VRK1: variants seen among roughly 807,000 people sequenced by gnomAD.
VRK1 encodes VRK serine/threonine kinase 1.
A neutral mutation model predicts 57.1 loss-of-function variants in VRK1; 33 were observed. That is an observed-to-expected ratio of 0.58 (90% CI 0.44 to 0.77). VRK1 has a LOEUF of 0.77. Ranked by LOEUF, VRK1 falls within the 30% of genes least tolerant of loss-of-function variation. The pLI is 0.00. For synonymous variants in VRK1, 137 were observed against 147.8 expected (o/e 0.93, Z 0.53); for missense variants, 413 against 477.3 (o/e 0.87, Z 1.25).
chr14:96,852,136 G>T (rs1280212892), intron 5 of VRK1, among the ~76,000 whole-genome samples: 1 of 152,206 alleles, frequency 6.6e-6, no homozygotes, highest in African/African-American at 2.4e-5. Context: ...AGTTTTGGGT[G>T]TTGAAAGTGA....
chr14:96,879,295 T>G (rs932810773), intron 12 of VRK1, among the ~76,000 whole-genome samples: 8 of 152,154 alleles, frequency 5.3e-5, no homozygotes, highest in Non-Finnish European at 2.9e-5. Context: ...TGAATTGATT[T>G]ATGCAGCAAA....
chr14:96,811,122 G>A (rs183634100), intron 1 of VRK1, among the ~76,000 whole-genome samples: 122 of 152,060 alleles, frequency 8.0e-4, no homozygotes, highest in Non-Finnish European at 1.4e-3. Context: ...GTGGAGATGG[G>A]ATCTCACCAT....
chr14:96,860,628 C>T lies in VRK1; in HGVS notation c.961C>T (p.Arg321Cys), dbSNP rs772731615. 70 of 1,613,124 alleles carry T rather than the reference C, an allele frequency of 4.3e-5. No homozygotes were observed. In the Admixed American group the frequency reaches 7.8e-4, roughly 18 times the overall value. ...TGAAAAACCTCTTTATGAAAATTTA[C>T]GTGACATTCTTTTGCAAGGACTAAA... ...YTEKPLYENLRDILLQGLKAI... is the reference protein window; with the variant it reads ...YTEKPLYENLCDILLQGLKAI... Residue 321 changes from arginine (R) to cysteine (C), a missense_variant, in exon 11 of 13, where the codon CGT becomes TGT. By Grantham distance (180) the Arg-to-Cys change is radical. Transcript: ENST00000216639.
intron 11 of VRK1, among the ~76,000 whole-genome samples, chr14:96,863,164 C>T (rs571713124): frequency 2.0e-5 from 3 of 152,298 alleles, no homozygotes; most frequent in South Asian, 4.1e-4. Flanking sequence ...TTTGGGATGA[C>T]ATAAGGCTGA....
intron 11 of VRK1, among the ~76,000 whole-genome samples, chr14:96,869,088 C>T (rs1394695550): frequency 3.3e-5 from 5 of 152,062 alleles, no homozygotes; most frequent in South Asian, 2.1e-4. Flanking sequence ...CCACCACGCC[C>T]GGCCTCGTGT....
intron 1 of VRK1, among the ~76,000 whole-genome samples, chr14:96,813,204 G>A (rs1595643739): frequency 1.3e-5 from 2 of 152,224 alleles, no homozygotes; most frequent in African/African-American, 4.8e-5. Context: ...GTGAACAAGG[G>A]TGTGTAGTCA....
At chr14:96,824,356 T>C (rs982626639) in intron 1 of VRK1, among the ~76,000 whole-genome samples, 2 of 152,224 alleles carry the variant, frequency 1.3e-5, no homozygotes, top group African/African-American at 4.8e-5. Flanking sequence ...AGGATACTAC[T>C]GTATTTTGAA....
At chr14:96,819,424 CTG>C (rs1886512838) in intron 1 of VRK1, among the ~76,000 whole-genome samples, 1 of 152,270 alleles carries the variant, frequency 6.6e-6, no homozygotes, top group African/African-American at 2.4e-5. Flanking sequence ...GTGGGTCAGT[CTG>C]TGCATCACAG....
At chr14:96,816,743 A>G (rs1886408773) in intron 1 of VRK1, among the ~76,000 whole-genome samples, 1 of 152,034 alleles carries the variant, frequency 6.6e-6, no homozygotes, top group South Asian at 2.1e-4. Context: ...AAAATTCAAA[A>G]TGGGAAATTT....
chr14:96,830,387 T>A (rs573776633), intron 1 of VRK1, among the ~76,000 whole-genome samples: 2 of 152,222 alleles, frequency 1.3e-5, no homozygotes, highest in Non-Finnish European at 2.9e-5. Context: ...ATTTTTTTGT[T>A]TTTTTCCTTT....
At chr14:96,874,981 A>C (rs1013222907) in intron 11 of VRK1, among the ~76,000 whole-genome samples, 1 of 152,210 alleles carries the variant, frequency 6.6e-6, no homozygotes, top group African/African-American at 2.4e-5. Flanking sequence ...AAATGAGGAC[A>C]TTCTGTTGCA....
At chr14:96,879,979 A>C (rs1223134907) in intron 12 of VRK1, among the ~76,000 whole-genome samples, 1 of 151,930 alleles carries the variant, frequency 6.6e-6, no homozygotes, top group African/African-American at 2.4e-5. Context: ...AAAAACCTAA[A>C]AATCTACTGT....
At chr14:96,840,906 A>T (rs1887433270) in intron 3 of VRK1, among the ~76,000 whole-genome samples, 2 of 149,240 alleles carry the variant, frequency 1.3e-5, no homozygotes, top group Admixed American at 1.3e-4. Flanking sequence ...CCTGGGCTGG[A>T]GTGCATTGGT....
chr14:96,847,000 TA>T (rs1046126933), intron 4 of VRK1, among the ~76,000 whole-genome samples: 1 of 151,842 alleles, frequency 6.6e-6, no homozygotes, highest in South Asian at 2.1e-4. Flanking sequence ...AGTTTTGATT[TA>T]AAAAAAATGC....
intron 5 of VRK1, among the ~76,000 whole-genome samples, chr14:96,852,540 C>T (rs971382452): frequency 5.3e-5 from 8 of 151,814 alleles, no homozygotes; most frequent in Non-Finnish European, 8.8e-5. Context: ...TTATTTTTAC[C>T]GTGAATAAAC....
At chr14:96,837,558 A>G (rs1887269231) in intron 2 of VRK1, among the ~76,000 whole-genome samples, 1 of 152,176 alleles carries the variant, frequency 6.6e-6, no homozygotes, top group African/African-American at 2.4e-5. Flanking sequence ...GAAACCAGAA[A>G]TTGTAAGATG....
chr14:96,851,687 A>C (rs1887956190), intron 5 of VRK1, among the ~76,000 whole-genome samples: 2 of 152,180 alleles, frequency 1.3e-5, no homozygotes. Flanking sequence ...TTTGTATCCT[A>C]CTGACATTTA....
chr14:96,875,746 A>G (rs1257509872), intron 11 of VRK1, among the ~76,000 whole-genome samples: 1 of 152,086 alleles, frequency 6.6e-6, no homozygotes, highest in Non-Finnish European at 1.5e-5. Flanking sequence ...ATAGCTTTGA[A>G]TAATGAAGTA....
At chr14:96,877,355 A>G (rs1889082035) in intron 12 of VRK1, 3 of 433,870 alleles carry the variant, frequency 6.9e-6, no homozygotes, top group Non-Finnish European at 1.2e-5. Context: ...AACCCAAAGA[A>G]TACTTGAGAT....
Sources: allele counts gnomAD v4.1 joint callset (sites outside exome capture counted in the v4.1 genomes callset), GRCh38; gene constraint gnomAD v4.1.1; transcripts MANE v1.5; gene names NCBI Gene and HGNC (gene_info 2026-07-23, HGNC 2026-07-21).